The following RAB27B variants were observed in gnomAD, a reference collection of about 807,000 sequenced individuals.
The protein encoded by RAB27B is RAB27B, member RAS oncogene family, also known as ras-related protein Rab-27B.
Under a neutral mutation model 24.6 loss-of-function variants are expected in RAB27B, and 15 were observed. The ratio of observed to expected loss-of-function variants is 0.61; its 90% CI spans 0.41 to 0.94. The LOEUF (loss-of-function observed/expected upper bound fraction) is 0.94, where lower values mean the gene tolerates loss of function less well. Ranked by LOEUF, RAB27B falls within the 40% of genes least tolerant of loss-of-function variation. The pLI, the probability that RAB27B is intolerant of heterozygous loss-of-function variation, is 0.00. For synonymous variants in RAB27B, 105 were observed against 92.5 expected (o/e 1.14, Z -0.78); for missense variants, 261 against 266.8 (o/e 0.98, Z 0.15).
At chr18:54,832,985 G>C (rs1378013602) in intron 1 of RAB27B, among the ~76,000 whole-genome samples, 4 of 152,146 alleles carry the variant, frequency 2.6e-5, no homozygotes, top group African/African-American at 9.7e-5. Flanking sequence ...GTACATAGAA[G>C]CTCTAATAAA....
rs1482845008 is a variant in RAB27B, at chr18:54,888,066, G to A, written c.415G>A (p.Asp139Asn). The stretch of plus-strand genomic sequence containing the variant: ...AATTGGCAACAAGGCAGACCTACCA[G>A]ATCAGAGGGAAGTCAATGAACGGCA... ...VLIGNKADLP[D>N]QREVNERQAR... Residue 139 changes from aspartate (D) to asparagine (N), a missense_variant, in exon 5 of 6, where the codon GAT becomes AAT. Transcript: ENST00000262094. The A allele has an allele frequency of 1.9e-6, 3 of 1,613,214 alleles. No homozygotes were observed. Among genetic ancestry groups the A allele is most frequent in the South Asian group, 1.1e-5 (1 of 90,952 alleles).
At chr18:54,800,316 A>G (rs989997293) in intron 2 of RAB27B, among the ~76,000 whole-genome samples, 3 of 152,208 alleles carry the variant, frequency 2.0e-5, no homozygotes, top group African/African-American at 7.2e-5. Context: ...CACCTGTTCA[A>G]TTATTTCCCT....
At chr18:54,837,436 TACAAA>T (rs372527388) in intron 1 of RAB27B, among the ~76,000 whole-genome samples, 86 of 152,146 alleles carry the variant, frequency 5.7e-4, no homozygotes, top group African/African-American at 2.0e-3. Flanking sequence ...AAATCAGGCA[TACAAA>T]AGGAAAGGCA....
At chr18:54,876,490 G>C (rs1247542668) in intron 1 of RAB27B, among the ~76,000 whole-genome samples, 1 of 152,104 alleles carries the variant, frequency 6.6e-6, no homozygotes, top group East Asian at 1.9e-4. Context: ...AATCTTCATA[G>C]GCCTTCCTTT....
At chr18:54,819,561 A>G (rs956796224) in intron 2 of RAB27B, among the ~76,000 whole-genome samples, 20 of 150,096 alleles carry the variant, frequency 1.3e-4, no homozygotes, top group African/African-American at 4.9e-4. Context: ...AAAAAAAAGA[A>G]TAGATCATGT....
intron 1 of RAB27B, among the ~76,000 whole-genome samples, chr18:54,872,082 A>G (rs1912492192): frequency 6.6e-6 from 1 of 151,996 alleles, no homozygotes; most frequent in Non-Finnish European, 1.5e-5. Flanking sequence ...GCCATGCAAA[A>G]TGCCATGCAA....
intron 2 of RAB27B, among the ~76,000 whole-genome samples, chr18:54,786,865 T>TA (rs1909103160): frequency 6.6e-6 from 1 of 152,226 alleles, no homozygotes; most frequent in Non-Finnish European, 1.5e-5. Flanking sequence ...AACATGGCCT[T>TA]ACAATTTATT....
At chr18:54,753,958 A>G (rs1907917440) in intron 2 of RAB27B, among the ~76,000 whole-genome samples, 1 of 152,210 alleles carries the variant, frequency 6.6e-6, no homozygotes, top group African/African-American at 2.4e-5. Context: ...CATTAGACCA[A>G]GAAAATGGTG....
At chr18:54,864,082 T>C (rs138865201) in intron 1 of RAB27B, among the ~76,000 whole-genome samples, 1 of 152,348 alleles carries the variant, frequency 6.6e-6, no homozygotes, top group East Asian at 1.9e-4. Flanking sequence ...TTTTGGAGAA[T>C]TGCCAAACTG....
At chr18:54,813,135 C>T (rs186271111) in intron 2 of RAB27B, among the ~76,000 whole-genome samples, 5 of 152,112 alleles carry the variant, frequency 3.3e-5, no homozygotes, top group South Asian at 2.1e-4. Context: ...AATACCCCAG[C>T]GCTGAAGGGG....
intron 1 of RAB27B, among the ~76,000 whole-genome samples, chr18:54,860,052 T>A (rs2145235186): frequency 6.6e-6 from 1 of 152,268 alleles, no homozygotes; most frequent in East Asian, 1.9e-4. Context: ...AATAATTGAT[T>A]AATTGTTTTG....
rs144289735 is a variant in RAB27B, at chr18:54,776,948, G to T, written c.-20+58807G>T. The stretch of plus-strand genomic sequence containing the variant: ...TAGTCTCAGCTACTCGGGAGGTTGA[G>T]GCAGGAGAATCACCTGAGCCTGGGA... On this transcript the variant is annotated intron_variant, in intron 2 of 4. Coordinates refer to the RAB27B transcript ENST00000586570. Among the ~76,000 whole-genome samples, 59 of 152,276 alleles carry T rather than the reference G, an allele frequency of 3.9e-4. No individual in the cohort carries two copies. In the East Asian group the frequency reaches 0.01, roughly 27 times the overall value.
intron 2 of RAB27B, among the ~76,000 whole-genome samples, chr18:54,734,238 G>A (rs1909820784): frequency 6.6e-6 from 1 of 152,142 alleles, no homozygotes; most frequent in Non-Finnish European, 1.5e-5. Flanking sequence ...CTAGTGGACT[G>A]AAAGGAGCCT....
chr18:54,759,479 C>T (rs1481615527), intron 2 of RAB27B, among the ~76,000 whole-genome samples: 1 of 152,132 alleles, frequency 6.6e-6, no homozygotes. Flanking sequence ...AATGCCAGAC[C>T]AACAAACAGG....
At chr18:54,824,129 C>T (rs1335276531), upstream of RAB27B, among the ~76,000 whole-genome samples, 1 of 152,192 alleles carries the variant, frequency 6.6e-6, no homozygotes, top group Non-Finnish European at 1.5e-5. Flanking sequence ...CCTCTGCCAT[C>T]CTCCACATGT....
chr18:54,761,685 A>G (rs1266028724), intron 2 of RAB27B, among the ~76,000 whole-genome samples: 1 of 152,218 alleles, frequency 6.6e-6, no homozygotes, highest in Admixed American at 6.5e-5. Flanking sequence ...AAAACTCAAG[A>G]GGCAATAATC....
intron 1 of RAB27B, among the ~76,000 whole-genome samples, chr18:54,872,110 G>C (rs1290815980): frequency 6.6e-6 from 1 of 152,066 alleles, no homozygotes; most frequent in Non-Finnish European, 1.5e-5. Context: ...GTGGTGATGA[G>C]AGTATGTTAG....
At chr18:54,857,308 C>G (rs1454659242) in intron 1 of RAB27B, among the ~76,000 whole-genome samples, 1 of 152,182 alleles carries the variant, frequency 6.6e-6, no homozygotes, top group Non-Finnish European at 1.5e-5. Flanking sequence ...TTCTGCCCAT[C>G]CGGGAAATAA....
intron 2 of RAB27B, among the ~76,000 whole-genome samples, chr18:54,740,553 C>T (rs1910040051): frequency 6.6e-6 from 1 of 152,164 alleles, no homozygotes; most frequent in Non-Finnish European, 1.5e-5. Flanking sequence ...GTTTCCACAG[C>T]TTGACAGTGG....
Sources: allele counts gnomAD v4.1 joint callset (sites outside exome capture counted in the v4.1 genomes callset), GRCh38; gene constraint gnomAD v4.1.1; transcripts MANE v1.5; gene names NCBI Gene and HGNC (gene_info 2026-07-23, HGNC 2026-07-21).